The following COL7A1 variants were observed in gnomAD, a reference collection of about 807,000 sequenced individuals.
COL7A1 encodes the protein collagen alpha-1(VII) chain.
Under a neutral mutation model 456.2 loss-of-function variants are expected in COL7A1, and 296 were observed. The observed-to-expected ratio is 0.65, with a 90% confidence interval of 0.59 to 0.71. The LOEUF (loss-of-function observed/expected upper bound fraction) is 0.71. Ranked by LOEUF, COL7A1 falls within the 30% of genes least tolerant of loss-of-function variation. The pLI is 0.00. For missense variants in COL7A1, 3,441 were observed against 4,017.2 expected, an observed-to-expected ratio of 0.86 and a Z score of 3.88; for synonymous variants, 1,464 against 1,525.9, an observed-to-expected ratio of 0.96 and a Z score of 0.95.
In COL7A1 at chr3:48,591,319, G is replaced by T. The variant is rs1271026202; in HGVS notation, c.1636+145C>A. The T allele has an allele frequency of 8.7e-7, 1 of 1,155,100 alleles. No homozygotes were observed. The highest frequency in any genetic ancestry group is 1.2e-6 in the Non-Finnish European group (1 of 816,082). The allele number at this position is 1,155,100 out of a possible 1,614,324, so 71.6% of individuals were successfully genotyped here. A position where few individuals can be genotyped will look rare whatever the true frequency, so the allele number is the denominator to read the frequency against. ...CCCTGTTGACAGTTCAGGGCTCAGTGCCATCTTGGGAAGCAGATGGATAAC... is the reference window on the plus strand; with the variant it reads ...CCCTGTTGACAGTTCAGGGCTCAGTTCCATCTTGGGAAGCAGATGGATAAC... On this transcript the variant is annotated intron_variant, in intron 13 of 118. Coordinates refer to ENST00000681320, the MANE Select transcript of COL7A1 (RefSeq NM_000094.4). The surrounding 1 kb of genome is among the most constrained non-coding windows in gnomAD (Gnocchi z 7.0).
rs759689346 is a variant in COL7A1, at chr3:48,575,462, C to G, written c.6057G>C (p.Leu2019=). ...CGGGGGGGCCCCTCTCCCCAAGGGC[C>G]AGACCAGGTGGCCCCTGAGGGCCAG... is the stretch of plus-strand genomic sequence containing the variant. ...GDPGPQGPPG[L]ALGERGPPGP... Residue 2019 remains leucine (L), a synonymous_variant, in exon 74 of 119, where the codon CTG becomes CTC. Coordinates refer to ENST00000681320, the MANE Select transcript of COL7A1 (RefSeq NM_000094.4). This position sits in a 1 kb window ranked among gnomAD's most constrained non-coding sequence, Gnocchi z 6.3. 9 of 1,611,482 alleles carry G rather than the reference C, an allele frequency of 5.6e-6. No homozygotes were observed. The Admixed American group carries it at 1.5e-4, about 27-fold the overall frequency.
chr3:48,584,540 A>C lies in COL7A1; in HGVS notation c.4064T>G (p.Val1355Gly). Residue 1355 changes from valine (V) to glycine (G), a missense_variant, in exon 36 of 119, where the codon GTC (valine) becomes GGC (glycine). This residue lies in a region of COL7A1 where 2,084 missense variants were observed against 2,501.3 expected (regional missense o/e 0.83). Coordinates refer to ENST00000681320, the MANE Select transcript of COL7A1 (RefSeq NM_000094.4). ...PKGEPGAPGQ[V>G]IGGEGPGLPG... ...AAGCCCAGGTCCTTCACCTCCGATG[A>C]CTTGTCCGGGAGCCCCCTGTAAGGA... 4.3e-6 allele frequency: 7 copies of C among 1,613,984 alleles called. No homozygotes were observed. Among genetic ancestry groups the C allele is most frequent in the Non-Finnish European group, 5.9e-6 (7 of 1,179,960 alleles).
At position 48,574,440 on chromosome 3, in the gene COL7A1, G is replaced by T. The variant is rs1027932299; in HGVS notation, c.6456+48C>A. 4 of 1,613,606 alleles carry T rather than the reference G, an allele frequency of 2.5e-6. No homozygotes were observed. The highest frequency in any genetic ancestry group is 1.6e-4 in the Middle Eastern group (1 of 6,082). ...CAGCCCTGCACACAGGACAATACATGTGAGAGCCACCTTCTTGCACATGTG... is the reference window on the plus strand; with the variant it reads ...CAGCCCTGCACACAGGACAATACATTTGAGAGCCACCTTCTTGCACATGTG... On this transcript the variant is annotated intron_variant, in intron 79 of 118. Transcript: ENST00000681320. The surrounding 1 kb of genome is among the most constrained non-coding windows in gnomAD (Gnocchi z 5.0).
At position 48,584,037 on chromosome 3, in the gene COL7A1, G is replaced by A. The variant is rs143126677; in HGVS notation, c.4222C>T (p.Arg1408Trp). 1.4e-4 allele frequency: 225 copies of A among 1,614,106 alleles called. 2 individuals are homozygous for A. In the African/African-American group the frequency reaches 2.5e-3, roughly 18 times the overall value. The change falls in exon 38 of 119, where the codon CGG becomes TGG. Residue 1408 changes from arginine (R) to tryptophan (W), a missense_variant and splice_region_variant. By Grantham distance (101) the Arg-to-Trp change is moderately radical (BLOSUM62 -3). This residue lies in a region of COL7A1 where 2,084 missense variants were observed against 2,501.3 expected (regional missense o/e 0.83). Coordinates refer to ENST00000681320, the MANE Select transcript of COL7A1 (RefSeq NM_000094.4). ...AGCACAACCTGTCCCTCACTTACCC[G>A]CTCCCCACGATCGCCTTTGTCACCC... is the stretch of plus-strand genomic sequence containing the variant. ...MKGDKGDRGE[R>W]GPPGPGEGGI...
rs759673044 is a variant in COL7A1 at position 48,575,543 on chromosome 3, C to T, written c.5980-4G>A. ...CTCCAGGAAAGCCGATGGGGCCCTG[C>T]AGGAGTGGAAGAGAGAATGCTGGTG... On this transcript the variant is annotated splice_region_variant and splice_polypyrimidine_tract_variant and intron_variant, in intron 73 of 118. Coordinates refer to ENST00000681320, the MANE Select transcript of COL7A1 (RefSeq NM_000094.4). This position sits in a 1 kb window ranked among gnomAD's most constrained non-coding sequence, Gnocchi z 6.3. The T allele has an allele frequency of 6.2e-7, 1 of 1,612,722 alleles. No individual in the cohort carries two copies. The highest frequency in any genetic ancestry group is 1.1e-5 in the South Asian group (1 of 91,086).
Position 48,590,872 on chromosome 3 carries a change from A to T in COL7A1, c.1637-56T>A. On this transcript the variant is annotated intron_variant, in intron 13 of 118. Transcript: ENST00000681320. This position sits in a 1 kb window ranked among gnomAD's most constrained non-coding sequence, Gnocchi z 4.6. ...GGTCAGAAAGAGACAGGGATGTGGG[A>T]CGATGGCAGTGATGGACAGGGACGC... The T allele has an allele frequency of 6.3e-7, 1 of 1,587,394 alleles. No homozygotes were observed. The highest frequency in any genetic ancestry group is 1.3e-5 in the African/African-American group (1 of 74,500).
rs139766260 is a variant in COL7A1, at chr3:48,572,581, C to T, written c.6901-43G>A. ...GAGTTTCCTCCTCCTCCCCCGCCCC[C>T]ACCCTGCCACCCCCATGGCATTTGG... is the stretch of plus-strand genomic sequence containing the variant. On this transcript the variant is annotated intron_variant, in intron 88 of 118. Transcript: ENST00000681320. This position sits in a 1 kb window ranked among gnomAD's most constrained non-coding sequence, Gnocchi z 4.6. The T allele has an allele frequency of 2.0e-3, 3,254 of 1,609,986 alleles. 9 individuals are homozygous for T. Among genetic ancestry groups the T allele is most frequent in the Non-Finnish European group, 2.4e-3 (2,781 of 1,178,006 alleles).
In COL7A1 at chr3:48,564,847, A is replaced by G. The variant is rs1417996654; in HGVS notation, c.8754T>C (p.Arg2918=). The G allele has an allele frequency of 6.2e-7, 1 of 1,613,712 alleles. No individual in the cohort carries two copies. The highest frequency in any genetic ancestry group is 8.5e-7 in the Non-Finnish European group (1 of 1,179,952). ...VYGGCGGNAN[R]FGTREACERR... ...GCTCGCAGGCCTCACGGGTCCCAAAACGGTTGGCATTCCCTCCACAGCCAC... is the reference window on the plus strand; with the variant it reads ...GCTCGCAGGCCTCACGGGTCCCAAAGCGGTTGGCATTCCCTCCACAGCCAC... Residue 2918 remains arginine, a synonymous_variant, in exon 118 of 119, where the codon CGT becomes CGC. Coordinates refer to ENST00000681320, the MANE Select transcript of COL7A1 (RefSeq NM_000094.4). The surrounding 1 kb of genome is among the most constrained non-coding windows in gnomAD (Gnocchi z 6.0).
chr3:48,579,201 G>A lies in COL7A1; in HGVS notation c.5384C>T (p.Pro1795Leu), dbSNP rs746987799. The change falls in exon 62 of 119, where the codon CCG (proline) becomes CTG (leucine). Residue 1795 changes from proline to leucine, a missense_variant. Physicochemically the swap from Pro to Leu is moderately conservative, Grantham distance 98. Around this residue, in one of 3 missense-constraint regions of COL7A1, gnomAD observed 2,084 missense variants for 2,501.3 expected, o/e 0.83. Coordinates refer to ENST00000681320, the MANE Select transcript of COL7A1 (RefSeq NM_000094.4). The surrounding 1 kb of genome is among the most constrained non-coding windows in gnomAD (Gnocchi z 4.4). ...GGCAGGACTACCAAGACTCACATTC[G>A]GCCCAGAGGGCCCAGCGGCTCCTGG... Reference protein sequence around the residue: ...GKPGAAGPSGPNGAAGKAGDP... With the variant: ...GKPGAAGPSGLNGAAGKAGDP... 155 of 1,613,184 alleles carry A rather than the reference G, an allele frequency of 9.6e-5. No individual in the cohort carries two copies. The highest frequency in any genetic ancestry group is 1.8e-4 in the Admixed American group (11 of 60,006).
chr3:48,576,796 G>A, intron 67 of COL7A1, 25 bp from the exon 68 acceptor site: 29 of 1,613,766 alleles, frequency 1.8e-5, no homozygotes, highest in Non-Finnish European at 2.5e-5. Flanking sequence ...GCCAGCATCA[G>A]CACCCTGAGA....
Position 48,586,349 on chromosome 3 carries a change from C to T in COL7A1, c.3533G>A (p.Arg1178His), listed in dbSNP as rs372680561. Residue 1178 changes from arginine to histidine, a missense_variant, in exon 27 of 119, where the codon CGT (arginine) becomes CAT (histidine). Coordinates refer to ENST00000681320, the MANE Select transcript of COL7A1 (RefSeq NM_000094.4). The surrounding 1 kb of genome is among the most constrained non-coding windows in gnomAD (Gnocchi z 5.1). Reference protein sequence around the residue: ...PLRGDIFSPIREAQASGLNVV... With the variant: ...PLRGDIFSPIHEAQASGLNVV... Reference sequence around the variant, plus strand: ...CTCCTTACCAGAAGCCTGGGCCTCACGGATGGGGCTGAATATGTCACCTCT... The same window carrying T: ...CTCCTTACCAGAAGCCTGGGCCTCATGGATGGGGCTGAATATGTCACCTCT... 4.5e-5 allele frequency: 72 copies of T among 1,613,734 alleles called. No homozygotes were observed. The highest frequency in any genetic ancestry group is 1.8e-4 in the East Asian group (8 of 44,904).
Position 48,567,514 on chromosome 3 carries a change from C to T in COL7A1, c.8046+60G>A. The stretch of plus-strand genomic sequence containing the variant: ...TGTCCCTACACCCCCATGACCCGAC[C>T]ATGAGCTTCCCTGCCCCATCCTGAC... On this transcript the variant is annotated intron_variant, in intron 109 of 118. Transcript: ENST00000681320. This position sits in a 1 kb window ranked among gnomAD's most constrained non-coding sequence, Gnocchi z 4.3. The T allele has an allele frequency of 1.9e-6, 3 of 1,610,176 alleles. No homozygotes were observed. In the Admixed American group the frequency reaches 5.0e-5, roughly 27 times the overall value.
In COL7A1 at chr3:48,568,153, A is replaced by C. The variant is rs760445665; in HGVS notation, c.7812T>G (p.Asp2604Glu). 2.5e-6 allele frequency: 4 copies of C among 1,613,786 alleles called. No individual in the cohort carries two copies. The highest frequency in any genetic ancestry group is 2.7e-5 in the African/African-American group (2 of 74,914). Residue 2604 changes from aspartate to glutamate, a missense_variant, in exon 106 of 119, where the codon GAT becomes GAG. Physicochemically the swap from Asp to Glu is conservative, Grantham distance 45 (BLOSUM62 2). Around this residue, in one of 3 missense-constraint regions of COL7A1, gnomAD observed 2,084 missense variants for 2,501.3 expected, o/e 0.83. Coordinates refer to ENST00000681320, the MANE Select transcript of COL7A1 (RefSeq NM_000094.4). This position sits in a 1 kb window ranked among gnomAD's most constrained non-coding sequence, Gnocchi z 5.2. ...TTTCTCCTCGGATACCAGGCACTCCATCCTTTCCTGGGGATCCCTAGCAGG... is the reference window on the plus strand; with the variant it reads ...TTTCTCCTCGGATACCAGGCACTCCCTCCTTTCCTGGGGATCCCTAGCAGG... ...IPGDPGSPGKDGVPGIRGEKG... is the reference protein window; with the variant it reads ...IPGDPGSPGKEGVPGIRGEKG...
chr3:48,595,002 G>C, intron 2 of COL7A1, 73 bp downstream of exon 2: 1 of 1,265,886 alleles, frequency 7.9e-7, no homozygotes, highest in African/African-American at 1.5e-5. Flanking sequence ...GGGGTGTTGG[G>C]GATGAAGGCC....
At position 48,579,652 on chromosome 3, in the gene COL7A1, C is replaced by T. The variant is rs146154014; in HGVS notation, c.5171G>A (p.Arg1724His). The change falls in exon 59 of 119, where the codon CGC (arginine) becomes CAC (histidine). Residue 1724 changes from arginine to histidine, a missense_variant. Coordinates refer to ENST00000681320, the MANE Select transcript of COL7A1 (RefSeq NM_000094.4). This position sits in a 1 kb window ranked among gnomAD's most constrained non-coding sequence, Gnocchi z 4.4. ...GAREKGEPGDRGQEGPRGPKG... is the reference protein window; with the variant it reads ...GAREKGEPGDHGQEGPRGPKG... ...GGGCCCTCGAGGACCCTCTTGTCCG[C>T]GGTCCCCAGGCTCTCCCTGTGGCAG... is the stretch of plus-strand genomic sequence containing the variant. The T allele has an allele frequency of 3.7e-5, 60 of 1,613,610 alleles. No homozygotes were observed. The highest frequency in any genetic ancestry group is 6.7e-5 in the Admixed American group (4 of 59,984).
chr3:48,572,726 A>G lies in COL7A1; in HGVS notation c.6845T>C (p.Leu2282Pro), dbSNP rs772006018. The stretch of plus-strand genomic sequence containing the variant: ...TCCTTTAGGTCCGACAGGGCCAGGC[A>G]GACCTGGTGACCCCTATGGCAGAGC... Reference protein sequence around the residue: ...GSPGVPGSPGLPGPVGPKGEP... With the variant: ...GSPGVPGSPGPPGPVGPKGEP... Residue 2282 changes from leucine (L) to proline (P), a missense_variant, in exon 88 of 119, where the codon CTG becomes CCG. Leu to Pro is a moderately conservative substitution (Grantham distance 98). This residue lies in a region of COL7A1 where 2,084 missense variants were observed against 2,501.3 expected (regional missense o/e 0.83). Coordinates refer to ENST00000681320, the MANE Select transcript of COL7A1 (RefSeq NM_000094.4). The surrounding 1 kb of genome is among the most constrained non-coding windows in gnomAD (Gnocchi z 4.6). 6.2e-7 allele frequency: 1 copy of G among 1,609,982 alleles called. No individual in the cohort carries two copies. The highest frequency in any genetic ancestry group is 8.5e-7 in the Non-Finnish European group (1 of 1,178,156).
chr3:48,592,589 C>T lies in COL7A1; in HGVS notation c.957G>A (p.Val319=). 6.2e-7 allele frequency: 1 copy of T among 1,614,034 alleles called. No homozygotes were observed. The highest frequency in any genetic ancestry group is 8.5e-7 in the Non-Finnish European group (1 of 1,180,036). ...ALYANSIGEA[V]SGTARTTALE... ...GCTCACTGGTCCGAGCTGTCCCGCTCACAGCCTCCCCGATGCTGTTGGCGT... is the reference window on the plus strand; with the variant it reads ...GCTCACTGGTCCGAGCTGTCCCGCTTACAGCCTCCCCGATGCTGTTGGCGT... Residue 319 remains valine (V), a synonymous_variant, in exon 8 of 119, where the codon GTG becomes GTA. Transcript: ENST00000681320. The surrounding 1 kb of genome is among the most constrained non-coding windows in gnomAD (Gnocchi z 7.6).
In COL7A1 at chr3:48,568,501, G is replaced by A. The variant is rs2107638447; in HGVS notation, c.7792C>T (p.Pro2598Ser). 1 of 1,605,416 alleles carries A rather than the reference G, an allele frequency of 6.2e-7. No homozygotes were observed. The change falls in exon 105 of 119, where the codon CCG becomes TCG. Residue 2598 changes from proline (P) to serine (S), a missense_variant and splice_region_variant. Around this residue, in one of 3 missense-constraint regions of COL7A1, gnomAD observed 2,084 missense variants for 2,501.3 expected, o/e 0.83. Transcript: ENST00000681320. This position sits in a 1 kb window ranked among gnomAD's most constrained non-coding sequence, Gnocchi z 5.2. ...CTGTGGGAGCAGGGGCATCTTACCG[G>A]GTCACCAGGGATCCCTGCTGCACCA... ...QPGAAGIPGDPGSPGKDGVPG... is the reference protein window; with the variant it reads ...QPGAAGIPGDSGSPGKDGVPG...
At position 48,588,021 on chromosome 3, in the gene COL7A1, G is replaced by T; in HGVS notation, c.2711-82C>A. ...CATTAAAGGGCCTGCCCACTTCACT[G>T]GCTCTGTTAACTGGGTTCACCCTCC... On this transcript the variant is annotated intron_variant, in intron 21 of 118. Transcript: ENST00000681320. This position sits in a 1 kb window ranked among gnomAD's most constrained non-coding sequence, Gnocchi z 4.6. The T allele has an allele frequency of 6.7e-7, 1 of 1,484,426 alleles. No homozygotes were observed. Among genetic ancestry groups the T allele is most frequent in the Non-Finnish European group, 9.1e-7 (1 of 1,096,384 alleles). 92.0% of individuals were successfully genotyped at this position (1,484,426 alleles called of 1,614,324 possible).
Sources: allele counts gnomAD v4.1 joint callset, GRCh38; gene constraint gnomAD v4.1.1; regional missense constraint gnomAD v4.1.1; non-coding constraint Gnocchi (gnomAD v3.1); transcripts MANE v1.5; gene names NCBI Gene and HGNC (gene_info 2026-07-23, HGNC 2026-07-21).